The following PRKAG2 variants were observed in gnomAD, a reference collection of about 807,000 sequenced individuals.
PRKAG2 encodes the protein 5'-AMP-activated protein kinase subunit gamma-2.
In PRKAG2, 26 loss-of-function variants were observed where a neutral mutation model predicts 69.6. That is an observed-to-expected ratio of 0.37 (90% confidence interval 0.27 to 0.52). The LOEUF (loss-of-function observed/expected upper bound fraction) is 0.52. PRKAG2 is among the 20% of genes least tolerant of loss of function. PRKAG2 has a pLI of 0.90. For missense variants in PRKAG2, 557 were observed against 740.0 expected, an observed-to-expected ratio of 0.75 and a Z score of 2.87; for synonymous variants, 293 against 285.0, an observed-to-expected ratio of 1.03 and a Z score of -0.28.
intron 15 of PRKAG2, chr7:151,558,594 C>T (rs920077436): frequency 3.2e-6 from 3 of 931,262 alleles, no homozygotes; most frequent in South Asian, 5.0e-5. Context: ...CAGATGCAGG[C>T]GCTCCCTGAG....
chr7:151,650,914 G>A (rs975135943), intron 4 of PRKAG2, among the ~76,000 whole-genome samples: 1 of 152,164 alleles, frequency 6.6e-6, no homozygotes, highest in Non-Finnish European at 1.5e-5. Flanking sequence ...TGATGTTCTT[G>A]AGGAAAACAT....
chr7:151,839,849 C>T (rs986987323), intron 1 of PRKAG2, among the ~76,000 whole-genome samples: 1 of 152,144 alleles, frequency 6.6e-6, no homozygotes, highest in Non-Finnish European at 1.5e-5. Context: ...CCAGGGACAC[C>T]GTGTGGCCCA....
chr7:151,782,166 C>G (rs1277660554), intron 2 of PRKAG2, among the ~76,000 whole-genome samples: 1 of 151,820 alleles, frequency 6.6e-6, no homozygotes, highest in East Asian at 1.9e-4. Flanking sequence ...GCCTGTAATC[C>G]CAGCTACTCA....
At chr7:151,631,607 T>C (rs1382761884) in intron 5 of PRKAG2, 2 of 449,440 alleles carry the variant, frequency 4.4e-6, no homozygotes, top group Non-Finnish European at 9.0e-6. Context: ...CCTATTTAAC[T>C]TTCCCCATTA....
intron 3 of PRKAG2, among the ~76,000 whole-genome samples, chr7:151,743,269 C>T (rs2074029102): frequency 1.3e-5 from 2 of 152,162 alleles, no homozygotes; most frequent in Admixed American, 6.5e-5. Flanking sequence ...TTAAAACTCA[C>T]ACCCCTGGCT....
At chr7:151,588,003 C>T (rs1812102003) in intron 6 of PRKAG2, among the ~76,000 whole-genome samples, 1 of 151,672 alleles carries the variant, frequency 6.6e-6, no homozygotes, top group African/African-American at 2.4e-5. Flanking sequence ...ATCTAAAACT[C>T]TTATAAAACA....
At chr7:151,735,935 G>C (rs562533127) in intron 3 of PRKAG2, 1 of 1,536,236 alleles carries the variant, frequency 6.5e-7, no homozygotes, top group Non-Finnish European at 8.7e-7. Flanking sequence ...GCGCCTCTCC[G>C]TGCTTCGATT....
chr7:151,592,980 G>C (rs2538036), intron 6 of PRKAG2, among the ~76,000 whole-genome samples: 88,363 of 152,050 alleles, frequency 0.58, 26,245 homozygotes, highest in East Asian at 0.89. Context: ...CAACTTAGAG[G>C]CTCACAGGAT....
intron 3 of PRKAG2, among the ~76,000 whole-genome samples, chr7:151,724,215 TAAC>T (rs1383743021): frequency 6.6e-6 from 1 of 152,160 alleles, no homozygotes; most frequent in Non-Finnish European, 1.5e-5. Context: ...AATCACCCTA[TAAC>T]AACACACTGG....
In PRKAG2 at chr7:151,556,850, T is replaced by C; in HGVS notation, c.*351A>G. ...ATTGCTGTATTCGGACATAAGGCAC[T>C]GTGATCTGAACATACCGTGCACTCA... On this transcript the variant is annotated 3_prime_UTR_variant, in exon 16 of 16. Coordinates refer to ENST00000287878, the MANE Select transcript of PRKAG2 (RefSeq NM_016203.4). 1 of 301,600 alleles carries C rather than the reference T, an allele frequency of 3.3e-6. No homozygotes were observed. 18.7% of individuals were successfully genotyped at this position (301,600 alleles called of 1,614,324 possible).
chr7:151,800,614 C>G (rs1358160296), intron 1 of PRKAG2, among the ~76,000 whole-genome samples: 1 of 152,162 alleles, frequency 6.6e-6, no homozygotes, highest in African/African-American at 2.4e-5. Flanking sequence ...TGAGCAGTTC[C>G]AGGACAGAGG....
intron 3 of PRKAG2, among the ~76,000 whole-genome samples, chr7:151,703,952 C>G: frequency 6.6e-6 from 1 of 150,856 alleles, no homozygotes; most frequent in Non-Finnish European, 1.5e-5. Flanking sequence ...ATCCCAGCTA[C>G]TCAGGCGGCT....
Position 151,725,200 on chromosome 7 carries a change from C to T in PRKAG2, c.467-49563G>A. Among the ~76,000 whole-genome samples the T allele has an allele frequency of 1.3e-5, 2 of 152,092 alleles. 1 individual carries two copies. Among genetic ancestry groups the T allele is most frequent in the South Asian group, 4.2e-4 (2 of 4,772 alleles). ...CATGCACAGCAGAATATTACTCAGC[C>T]TTAAAAAAGAGGGGGATCCTGCCAC... On this transcript the variant is annotated intron_variant, in intron 3 of 15. Transcript: ENST00000287878.
Position 151,649,381 on chromosome 7 carries a change from C to T in PRKAG2, c.685-17243G>A, listed in dbSNP as rs1407574210. Among the ~76,000 whole-genome samples, 3 of 152,196 alleles carry T rather than the reference C, an allele frequency of 2.0e-5. No homozygotes were observed. In the East Asian group the frequency reaches 5.8e-4, roughly 29 times the overall value. ...TCTCAAGTGATCCTCTCACCTTGGC[C>T]TCCCAAAGTGCTGGGATTACAGGTG... On this transcript the variant is annotated intron_variant, in intron 4 of 15. Coordinates refer to ENST00000287878, the MANE Select transcript of PRKAG2 (RefSeq NM_016203.4).
rs1035905852 is a variant in PRKAG2 at position 151,836,124 on chromosome 7, C to G, written c.114+40383G>C. Among the ~76,000 whole-genome samples the G allele has an allele frequency of 1.3e-5, 2 of 152,220 alleles. No homozygotes were observed. Among genetic ancestry groups the G allele is most frequent in the Admixed American group, 6.5e-5 (1 of 15,280 alleles). On this transcript the variant is annotated intron_variant, in intron 1 of 15. Transcript: ENST00000287878. The surrounding 1 kb of genome is among the most constrained non-coding windows in gnomAD (Gnocchi z 4.1). Reference sequence around the variant, plus strand: ...TACAATGAATATTCATGACCGCTTCCCATATCCTGAGTTTTGTCTTCGGCC... The same window carrying G: ...TACAATGAATATTCATGACCGCTTCGCATATCCTGAGTTTTGTCTTCGGCC...
chr7:151,624,599 G>C (rs1035329619), intron 5 of PRKAG2, among the ~76,000 whole-genome samples: 10 of 152,092 alleles, frequency 6.6e-5, no homozygotes, highest in African/African-American at 2.2e-4. Flanking sequence ...GTGTAATCAC[G>C]GCCATGAAAG....
intron 3 of PRKAG2, among the ~76,000 whole-genome samples, chr7:151,758,654 G>C (rs1051176743): frequency 1.3e-5 from 2 of 152,152 alleles, no homozygotes; most frequent in African/African-American, 4.8e-5. Flanking sequence ...AACCCCGAAG[G>C]CACTGATAGA....
At chr7:151,849,063 C>G (rs527654796) in intron 1 of PRKAG2, among the ~76,000 whole-genome samples, 1 of 152,130 alleles carries the variant, frequency 6.6e-6, no homozygotes, top group Non-Finnish European at 1.5e-5. Context: ...GTGTTCTGAA[C>G]GAAAATGGGT....
At chr7:151,770,574 G>A (rs2075973821) in intron 3 of PRKAG2, among the ~76,000 whole-genome samples, 1 of 152,220 alleles carries the variant, frequency 6.6e-6, no homozygotes, top group African/African-American at 2.4e-5. Flanking sequence ...TTTTAAAGAA[G>A]TGATCCTTTC....
Sources: allele counts gnomAD v4.1 joint callset (sites outside exome capture counted in the v4.1 genomes callset), GRCh38; gene constraint gnomAD v4.1.1; non-coding constraint Gnocchi (gnomAD v3.1); transcripts MANE v1.5; gene names NCBI Gene and HGNC (gene_info 2026-07-23, HGNC 2026-07-21).